Variants in PIEZO2 observed in about 807,000 individuals in gnomAD.
PIEZO2 encodes the protein piezo-type mechanosensitive ion channel component 2.
A neutral mutation model predicts 337.3 loss-of-function variants in PIEZO2; 172 were observed. The ratio of observed to expected loss-of-function variants is 0.51; its 90% confidence interval spans 0.45 to 0.58. The LOEUF (loss-of-function observed/expected upper bound fraction) is 0.58, where lower values mean the gene tolerates loss of function less well. Ranked by LOEUF, PIEZO2 falls within the 20% of genes least tolerant of loss-of-function variation. The probability of loss-of-function intolerance (pLI) is 0.00; values close to 1 mark genes in which losing one functional copy is unlikely to be tolerated. For missense variants in PIEZO2, 3,028 were observed against 3,391.3 expected, an observed-to-expected ratio of 0.89 and a Z score of 2.66; for synonymous variants, 1,251 against 1,228.5, an observed-to-expected ratio of 1.02 and a Z score of -0.38.
chr18:11,051,732 C>T (rs908457585), intron 2 of PIEZO2, among the ~76,000 whole-genome samples: 1 of 152,182 alleles, frequency 6.6e-6, no homozygotes, highest in Non-Finnish European at 1.5e-5. Flanking sequence ...AATATCAGAA[C>T]GATCAATTAT....
In PIEZO2 at chr18:11,148,851, C is replaced by A. The variant is rs1476525921; in HGVS notation, c.-263G>T. 2.4e-6 allele frequency: 1 copy of A among 423,010 alleles called. No individual in the cohort carries two copies. Among genetic ancestry groups the A allele is most frequent in the Non-Finnish European group, 4.1e-6 (1 of 241,272 alleles). 26.2% of individuals were successfully genotyped at this position (423,010 alleles called of 1,614,324 possible). A position where few individuals can be genotyped will look rare whatever the true frequency, so the allele number is the denominator to read the frequency against. ...AGCCCGGCGCCCGGCCCCCTGCGGCCGGCCCATTTAGTGTGAATCCTGGAT... is the reference window on the plus strand; with the variant it reads ...AGCCCGGCGCCCGGCCCCCTGCGGCAGGCCCATTTAGTGTGAATCCTGGAT... On this transcript the variant is annotated 5_prime_UTR_variant, in exon 1 of 56. Transcript: ENST00000674853. This position sits in a 1 kb window ranked among gnomAD's most constrained non-coding sequence, Gnocchi z 5.2.
chr18:11,053,398 C>T (rs533359083), intron 2 of PIEZO2, among the ~76,000 whole-genome samples: 2 of 152,296 alleles, frequency 1.3e-5, no homozygotes, highest in South Asian at 2.1e-4. Flanking sequence ...CTAAGTCTAG[C>T]TCACTCTGAC....
At chr18:10,709,719 A>G (rs1394233079) in intron 39 of PIEZO2, 1 of 152,254 alleles carries the variant, frequency 6.6e-6, no homozygotes, top group Non-Finnish European at 1.5e-5. Context: ...TTCAGGTCCC[A>G]TGTGCTGGAG....
At chr18:10,739,271 A>G (rs2037126182) in intron 33 of PIEZO2, 1 of 152,252 alleles carries the variant, frequency 6.6e-6, no homozygotes, top group African/African-American at 2.4e-5. Context: ...TTATTGCATC[A>G]TAAGGTTTTG....
intron 3 of PIEZO2, among the ~76,000 whole-genome samples, chr18:10,978,013 T>C (rs530504717): frequency 1.1e-4 from 17 of 152,158 alleles, no homozygotes; most frequent in Admixed American, 5.9e-4. Context: ...TGCACAACCT[T>C]TGAATATACT....
rs1020761791 is a variant in PIEZO2, at chr18:11,082,378, C to T, written c.65-16156G>A. 1.9e-4 allele frequency among the ~76,000 whole-genome samples: 29 copies of T among 150,708 alleles called. No individual in the cohort carries two copies. In the South Asian group the frequency reaches 2.5e-3, roughly 13 times the overall value. On this transcript the variant is annotated intron_variant, in intron 1 of 55. Transcript: ENST00000674853. ...TGTCACCCAGGCTGGAGTGCAGTGG[C>T]GCGATCTCAGTTCACTGCAAGCTCC...
rs563616421 is a variant in PIEZO2, at chr18:11,038,179, TA to T, written c.160+27947del. ...TCTTTATAACCTTTCTCATTTTCTCTAGGTCCTAGTCACCAGAACCACTATA... is the reference window on the plus strand; with the variant it reads ...TCTTTATAACCTTTCTCATTTTCTCTGGTCCTAGTCACCAGAACCACTATA... On this transcript the variant is annotated intron_variant, in intron 2 of 55. Transcript: ENST00000674853. The surrounding 1 kb of genome is among the most constrained non-coding windows in gnomAD (Gnocchi z 4.1). Among the ~76,000 whole-genome samples, 991 of 152,252 alleles carry T rather than the reference TA, an allele frequency of 6.5e-3. 7 individuals are homozygous for T. The highest frequency in any genetic ancestry group is 0.015 in the South Asian group (74 of 4,824).
Position 10,682,395 on chromosome 18 carries a change from C to G in PIEZO2, c.7498-103G>C, listed in dbSNP as rs1221702310. ...AGTGCTCTTCCTGTGGTGCTGGGAA[C>G]ATGGATTTGGCCCTGAATCTTCTCT... On this transcript the variant is annotated intron_variant, in intron 49 of 55. Coordinates refer to ENST00000674853, the MANE Select transcript of PIEZO2 (RefSeq NM_001378183.1). The surrounding 1 kb of genome is among the most constrained non-coding windows in gnomAD (Gnocchi z 5.6). 9 of 1,047,838 alleles carry G rather than the reference C, an allele frequency of 8.6e-6. No individual in the cohort carries two copies. Among genetic ancestry groups the G allele is most frequent in the Non-Finnish European group, 1.2e-5 (9 of 739,956 alleles). 64.9% of individuals were successfully genotyped at this position (1,047,838 alleles called of 1,614,324 possible).
intron 1 of PIEZO2, among the ~76,000 whole-genome samples, chr18:11,079,957 T>C (rs2038680625): frequency 6.6e-6 from 1 of 152,162 alleles, no homozygotes; most frequent in African/African-American, 2.4e-5. Flanking sequence ...GTTGTCAAAT[T>C]GTTTATAGTA....
At position 10,748,703 on chromosome 18, in the gene PIEZO2, A is replaced by G; in HGVS notation, c.4265-73T>C. 1 of 1,344,228 alleles carries G rather than the reference A, an allele frequency of 7.4e-7. No individual in the cohort carries two copies. Among genetic ancestry groups the G allele is most frequent in the South Asian group, 1.6e-5 (1 of 63,704 alleles). The allele number at this position is 1,344,228 out of a possible 1,614,324, so 83.3% of individuals were successfully genotyped here. On this transcript the variant is annotated intron_variant, in intron 29 of 55. Transcript: ENST00000674853. The surrounding 1 kb of genome is among the most constrained non-coding windows in gnomAD (Gnocchi z 5.1). The stretch of plus-strand genomic sequence containing the variant: ...ATTGTAATTTTATAAAATCTGAGGT[A>G]TGGTCAGGCTTGGGAAATATAGGCA...
At chr18:10,756,433 TGAG>T (rs1445829854) in intron 27 of PIEZO2, among the ~76,000 whole-genome samples, 2 of 119,294 alleles carry the variant, frequency 1.7e-5, no homozygotes, top group East Asian at 2.5e-4. Context: ...GGATGGAAGA[TGAG>T]GAGGAGGGGT....
At chr18:10,970,402 T>A (rs1598761061) in intron 3 of PIEZO2, among the ~76,000 whole-genome samples, 1 of 152,240 alleles carries the variant, frequency 6.6e-6, no homozygotes, top group East Asian at 1.9e-4. Context: ...TTGCCCTGCA[T>A]GCACACGGGT....
chr18:10,741,182 T>C (rs2037206209), intron 32 of PIEZO2, 80 bp from the exon 33 acceptor site: 1 of 1,318,436 alleles, frequency 7.6e-7, no homozygotes, highest in South Asian at 1.5e-5. Flanking sequence ...ACAACTCAAT[T>C]GTCAAATCTA....
chr18:10,869,129 C>T (rs2042077784), intron 5 of PIEZO2, among the ~76,000 whole-genome samples: 1 of 152,234 alleles, frequency 6.6e-6, no homozygotes, highest in Non-Finnish European at 1.5e-5. Context: ...TGAGCAGGCA[C>T]TGTGGCAGGT....
At chr18:10,802,347 T>G (rs2039852756) in intron 9 of PIEZO2, among the ~76,000 whole-genome samples, 1 of 152,148 alleles carries the variant, frequency 6.6e-6, no homozygotes, top group African/African-American at 2.4e-5. Flanking sequence ...AGACTTAATT[T>G]ATGTGGGTTC....
chr18:11,095,684 T>C (rs537172030), intron 1 of PIEZO2, among the ~76,000 whole-genome samples: 1 of 152,354 alleles, frequency 6.6e-6, no homozygotes, highest in East Asian at 1.9e-4. Context: ...TCCTGTTTTG[T>C]GGTTTATAAA....
chr18:11,106,232 G>A (rs1429288135), intron 1 of PIEZO2, among the ~76,000 whole-genome samples: 3 of 148,666 alleles, frequency 2.0e-5, no homozygotes, highest in African/African-American at 7.4e-5. Context: ...GACTACAGGC[G>A]CCCACCACCA....
intron 7 of PIEZO2, among the ~76,000 whole-genome samples, chr18:10,826,988 G>C (rs2040694876): frequency 6.6e-6 from 1 of 151,942 alleles, no homozygotes; most frequent in African/African-American, 2.4e-5. Flanking sequence ...TTTTCACTTA[G>C]CAATATGCAT....
intron 1 of PIEZO2, among the ~76,000 whole-genome samples, chr18:11,145,061 TCA>T (rs1429873267): frequency 6.6e-6 from 1 of 152,198 alleles, no homozygotes; most frequent in Non-Finnish European, 1.5e-5. Context: ...TCAATAATTA[TCA>T]GTTATAATTA....
Sources: allele counts gnomAD v4.1 joint callset (sites outside exome capture counted in the v4.1 genomes callset), GRCh38; gene constraint gnomAD v4.1.1; non-coding constraint Gnocchi (gnomAD v3.1); transcripts MANE v1.5; gene names NCBI Gene and HGNC (gene_info 2026-07-23, HGNC 2026-07-21).